TRAPPC6A: variants seen among roughly 807,000 people sequenced by gnomAD.
The protein encoded by TRAPPC6A is trafficking protein particle complex subunit 6A.
A neutral mutation model predicts 20.8 loss-of-function variants in TRAPPC6A; 25 were observed. The observed-to-expected ratio is 1.20, with a 90% CI of 0.88 to 1.68. The LOEUF (loss-of-function observed/expected upper bound fraction) is 1.68, where lower values mean the gene tolerates loss of function less well. TRAPPC6A is among the 40% of genes most tolerant of loss of function. TRAPPC6A has a pLI of 0.00. For missense variants in TRAPPC6A, 215 were observed against 211.6 expected (o/e 1.02, Z -0.10); for synonymous variants, 96 against 93.3 (o/e 1.03, Z -0.16).
At chr19:45,169,482 G>A (rs1969226295) in intron 1 of TRAPPC6A, among the ~76,000 whole-genome samples, 1 of 152,180 alleles carries the variant, frequency 6.6e-6, no homozygotes. Flanking sequence ...GAATATTAAT[G>A]GCAGCTACCT....
chr19:45,168,623 T>C (rs1351219238), intron 1 of TRAPPC6A, among the ~76,000 whole-genome samples: 1 of 152,244 alleles, frequency 6.6e-6, no homozygotes, highest in Non-Finnish European at 1.5e-5. Context: ...CATTATTTTT[T>C]CCTCATCAAT....
intron 3 of TRAPPC6A, among the ~76,000 whole-genome samples, 162 bp from the exon 4 acceptor site, chr19:45,164,409 C>T (rs916746590): frequency 6.6e-6 from 1 of 152,040 alleles, no homozygotes; most frequent in African/African-American, 2.4e-5. Flanking sequence ...TCTGGTAGGG[C>T]CCAGGGCTTC....
intron 1 of TRAPPC6A, among the ~76,000 whole-genome samples, chr19:45,175,324 G>A (rs1338993363): frequency 1.3e-5 from 2 of 151,350 alleles, no homozygotes; most frequent in Non-Finnish European, 2.9e-5. Flanking sequence ...CTACTCGGGA[G>A]GCTGAGGCAG....
chr19:45,165,157 C>A lies in TRAPPC6A; in HGVS notation c.122G>T (p.Gly41Val). Residue 41 changes from glycine (G) to valine (V), a missense_variant, in exon 2 of 6, where the codon GGG becomes GTG. Transcript: ENST00000585934. ...KMSLSVLEGM[G>V]FRVGQALGER... ...GCCTAGAGCCTGGCCCACACGGAAC[C>A]CCATACCCTCCAGGACCGACAGGCT... The A allele has an allele frequency of 6.2e-7, 1 of 1,610,184 alleles. No individual in the cohort carries two copies. Among genetic ancestry groups the A allele is most frequent in the South Asian group, 1.1e-5 (1 of 90,440 alleles).
In TRAPPC6A at chr19:45,163,120, C is replaced by A; in HGVS notation, c.*72G>T. On this transcript the variant is annotated 3_prime_UTR_variant, in exon 6 of 6. Transcript: ENST00000585934. This position sits in a 1 kb window ranked among gnomAD's most constrained non-coding sequence, Gnocchi z 5.3. ...GGATTCCCAAGACCACCCCGAAATG[C>A]AGCGGCCCCACCGTCTCCTGAGGCC... The A allele has an allele frequency of 6.3e-7, 1 of 1,581,364 alleles. No homozygotes were observed. Among genetic ancestry groups the A allele is most frequent in the Non-Finnish European group, 8.7e-7 (1 of 1,153,488 alleles).
intron 1 of TRAPPC6A, 92 bp downstream of exon 1, chr19:45,178,043 G>A: frequency 6.3e-7 from 1 of 1,590,388 alleles, no homozygotes; most frequent in Non-Finnish European, 8.5e-7. Flanking sequence ...GGCTGGGCCG[G>A]GTTCGAACCC....
chr19:45,164,916 C>T lies in TRAPPC6A; in HGVS notation c.207G>A (p.Leu69=). The T allele has an allele frequency of 5.0e-6, 8 of 1,614,176 alleles. No homozygotes were observed. Among genetic ancestry groups the T allele is most frequent in the South Asian group, 2.2e-5 (2 of 91,090 alleles). Residue 69 remains leucine (L), a synonymous_variant, in exon 3 of 6, where the codon TTG becomes TTA. Transcript: ENST00000585934. Reference sequence around the variant, plus strand: ...ACACCGCCACCCACAGGTCTTTGCACAAGAACTTGAGGACATCCAGCTCCT... The same window carrying T: ...ACACCGCCACCCACAGGTCTTTGCATAAGAACTTGAGGACATCCAGCTCCT... ...FREELDVLKF[L]CKDLWVAVFQ... is the part of the protein sequence containing the mutation.
chr19:45,165,316 A>C lies in TRAPPC6A; in HGVS notation c.85-122T>G, dbSNP rs980807920. 12 of 948,880 alleles carry C rather than the reference A, an allele frequency of 1.3e-5. No homozygotes were observed. In the African/African-American group the frequency reaches 2.0e-4, roughly 15 times the overall value. The allele number at this position is 948,880 out of a possible 1,614,324, so 58.8% of individuals were successfully genotyped here. A position where few individuals can be genotyped will look rare whatever the true frequency, so the allele number is the denominator to read the frequency against. ...GCTGGTGCTCGTCAGTTCAGGGGTG[A>C]GCAGGGAGGGGCTCTGGCACAGCCC... On this transcript the variant is annotated intron_variant, in intron 1 of 5. Transcript: ENST00000585934.
chr19:45,164,734 T>C, intron 3 of TRAPPC6A, 119 bp downstream of exon 3: 1 of 904,758 alleles, frequency 1.1e-6, no homozygotes, highest in Non-Finnish European at 1.8e-6. Context: ...TGCGGCCGCC[T>C]GTGGGAAAGC....
intron 1 of TRAPPC6A, among the ~76,000 whole-genome samples, chr19:45,177,191 G>GCACACACACACA (rs57127361): frequency 3.3e-4 from 49 of 147,996 alleles, no homozygotes; most frequent in African/African-American, 1.1e-3. Context: ...GCGCGTGCGC[G>GCACACACACACA]CACACACACA....
chr19:45,168,921 T>A (rs563718902), intron 1 of TRAPPC6A, among the ~76,000 whole-genome samples: 2 of 152,234 alleles, frequency 1.3e-5, no homozygotes, highest in Admixed American at 6.5e-5. Flanking sequence ...GTCGCCCATA[T>A]CTGAAGCCAA....
In TRAPPC6A at chr19:45,163,284, A is replaced by C; in HGVS notation, c.449-61T>G. 2 of 1,594,310 alleles carry C rather than the reference A, an allele frequency of 1.3e-6. No individual in the cohort carries two copies. The highest frequency in any genetic ancestry group is 1.7e-6 in the Non-Finnish European group (2 of 1,164,450). ...GATGGGGGAGGCAGAGGGCACCTGG[A>C]CGGCTCTTAGGCGCTCACCCCCGTC... On this transcript the variant is annotated intron_variant, in intron 5 of 5. Transcript: ENST00000585934. The surrounding 1 kb of genome is among the most constrained non-coding windows in gnomAD (Gnocchi z 5.3).
At position 45,167,871 on chromosome 19, in the gene TRAPPC6A, C is replaced by T. The variant is rs565607785; in HGVS notation, c.85-2677G>A. ...AAAGTTAGCCAGGTGTGGTGGCATGCACCCGTGTCCCAGCTACTTGGGAAG... is the reference window on the plus strand; with the variant it reads ...AAAGTTAGCCAGGTGTGGTGGCATGTACCCGTGTCCCAGCTACTTGGGAAG... On this transcript the variant is annotated intron_variant, in intron 1 of 5. Transcript: ENST00000585934. Among the ~76,000 whole-genome samples the T allele has an allele frequency of 2.6e-5, 4 of 152,246 alleles. No individual in the cohort carries two copies. The East Asian group carries it at 7.7e-4, about 29-fold the overall frequency.
intron 2 of TRAPPC6A, 57 bp from the exon 3 acceptor site, chr19:45,165,027 A>G (rs1408651802): frequency 6.2e-7 from 1 of 1,608,828 alleles, no homozygotes; most frequent in African/African-American, 1.3e-5. Context: ...AGGGAGGAAG[A>G]CAGGCCCGAC....
Position 45,163,006 on chromosome 19 carries a change from T to TGTGTA in TRAPPC6A, c.*185_*186insTACAC. 1.7e-6 allele frequency: 1 copy of TGTGTA among 595,826 alleles called. No individual in the cohort carries two copies. Among genetic ancestry groups the TGTGTA allele is most frequent in the South Asian group, 2.2e-5 (1 of 46,186 alleles). 36.9% of individuals were successfully genotyped at this position (595,826 alleles called of 1,614,324 possible). A position where few individuals can be genotyped will look rare whatever the true frequency, so the allele number is the denominator to read the frequency against. On this transcript the variant is annotated 3_prime_UTR_variant, in exon 6 of 6. Transcript: ENST00000585934. This position sits in a 1 kb window ranked among gnomAD's most constrained non-coding sequence, Gnocchi z 5.3. Reference sequence around the variant, plus strand: ...CGAGGCGGGAATCCCACCACAGTCCTGACCGCAGCTGGGACCCCTTTGCCT... The same window carrying TGTGTA: ...CGAGGCGGGAATCCCACCACAGTCCTGTGTAGACCGCAGCTGGGACCCCTTTGCCT...
rs1969279618 is a variant in TRAPPC6A, at chr19:45,172,093, A to G, written c.84+6042T>C. On this transcript the variant is annotated intron_variant, in intron 1 of 5. Transcript: ENST00000585934. The surrounding 1 kb of genome is among the most constrained non-coding windows in gnomAD (Gnocchi z 4.2). ...CCCTCTGGCCGGTCCTCCAGTTCAC[A>G]ACCTGTGACAGCCCAGGAGAATGGC... Among the ~76,000 whole-genome samples the G allele has an allele frequency of 1.3e-5, 2 of 151,878 alleles. 1 individual carries two copies. Among genetic ancestry groups the G allele is most frequent in the East Asian group, 3.9e-4 (2 of 5,192 alleles).
intron 1 of TRAPPC6A, among the ~76,000 whole-genome samples, chr19:45,170,280 G>A (rs889429607): frequency 2.0e-5 from 3 of 152,218 alleles, no homozygotes; most frequent in African/African-American, 4.8e-5. Context: ...TGGAGCTGGC[G>A]TTTCACCCGG....
In TRAPPC6A at chr19:45,163,799, G is replaced by T; in HGVS notation, c.448+117C>A. ...GGGCCTGCACCAGCCGTGTGGCTGA[G>T]CAGGTGACTTAAAACTGGGCCTGCC... On this transcript the variant is annotated intron_variant, in intron 5 of 5. Coordinates refer to ENST00000585934, the MANE Select transcript of TRAPPC6A (RefSeq NM_001270891.2). This position sits in a 1 kb window ranked among gnomAD's most constrained non-coding sequence, Gnocchi z 5.3. 1.1e-6 allele frequency: 1 copy of T among 873,942 alleles called. No homozygotes were observed. Among genetic ancestry groups the T allele is most frequent in the Non-Finnish European group, 1.8e-6 (1 of 555,574 alleles). 54.1% of individuals were successfully genotyped at this position (873,942 alleles called of 1,614,324 possible). A position where few individuals can be genotyped will look rare whatever the true frequency, so the allele number is the denominator to read the frequency against.
At chr19:45,165,256 G>T in intron 1 of TRAPPC6A, 62 bp from the exon 2 acceptor site, 2 of 1,491,198 alleles carry the variant, frequency 1.3e-6, no homozygotes, top group Non-Finnish European at 1.8e-6. Flanking sequence ...GGGCCACCCA[G>T]GGGGGGACCT....
Sources: gnomAD v4.1 joint callset for allele counts (sites outside exome capture counted in the v4.1 genomes callset) on GRCh38, gnomAD v4.1.1 for gene constraint, Gnocchi (gnomAD v3.1) non-coding constraint, MANE v1.5 for transcripts, NCBI Gene and HGNC (gene_info 2026-07-23, HGNC 2026-07-21) for gene names.